The following ARRDC5 variants were observed in gnomAD, a reference collection of about 807,000 sequenced individuals.
ARRDC5 encodes the protein arrestin domain containing 5.
A neutral mutation model predicts 13.3 loss-of-function variants in ARRDC5; 12 were observed. The observed-to-expected ratio is 0.90, with a 90% CI of 0.58 to 1.46. ARRDC5 has a LOEUF of 1.46. Ranked by LOEUF, ARRDC5 falls within the 40% of genes most tolerant of loss-of-function variation. ARRDC5 has a pLI of 0.00. For synonymous variants in ARRDC5, 181 were observed against 173.4 expected (o/e 1.04, Z -0.34); for missense variants, 406 against 418.7 (o/e 0.97, Z 0.26).
intron 1 of ARRDC5, 57 bp from the exon 2 acceptor site, chr19:4,896,933 C>CT: frequency 8.3e-7 from 1 of 1,197,648 alleles, no homozygotes; most frequent in Non-Finnish European, 1.2e-6. Flanking sequence ...TTTCCTTCTT[C>CT]TTCTTTTTTT....
At chr19:4,907,827 C>G (rs1182009409), upstream of ARRDC5, among the ~76,000 whole-genome samples, 1 of 151,102 alleles carries the variant, frequency 6.6e-6, no homozygotes, top group Non-Finnish European at 1.5e-5. Flanking sequence ...ATTCTCCTGC[C>G]TCAGCCTCCC....
intron 2 of ARRDC5, among the ~76,000 whole-genome samples, chr19:4,895,418 G>A (rs147730339): frequency 0.094 from 8,420 of 89,336 alleles, 425 homozygotes; most frequent in Admixed American, 0.28. Flanking sequence ...GTGAGACTCC[G>A]TCTCAAAAAA....
At chr19:4,913,456 T>C in the ARRDC5 span, among the ~76,000 whole-genome samples, 1 of 152,080 alleles carries the variant, frequency 6.6e-6, no homozygotes, top group Non-Finnish European at 1.5e-5. Flanking sequence ...AGTTTCACCA[T>C]GTTGGCCAGG....
chr19:4,893,149 A>G (rs2031571457), intron 2 of ARRDC5, among the ~76,000 whole-genome samples: 1 of 141,818 alleles, frequency 7.1e-6, no homozygotes, highest in Non-Finnish European at 1.5e-5. Context: ...TTATATTATT[A>G]GAATATATAT....
At chr19:4,907,565 C>T (rs183904691), upstream of ARRDC5, among the ~76,000 whole-genome samples, 13 of 151,646 alleles carry the variant, frequency 8.6e-5, no homozygotes, top group East Asian at 2.0e-3. Context: ...CCACCACGCC[C>T]GGCCCACACA....
chr19:4,894,178 C>A (rs540540040), intron 2 of ARRDC5, among the ~76,000 whole-genome samples: 107 of 151,786 alleles, frequency 7.0e-4, no homozygotes, highest in African/African-American at 2.5e-3. Context: ...AGATTGAGAC[C>A]ATCCTGGCTA....
intron 1 of ARRDC5, among the ~76,000 whole-genome samples, chr19:4,898,979 G>T (rs1009885283): frequency 6.6e-6 from 1 of 151,846 alleles, no homozygotes; most frequent in Non-Finnish European, 1.5e-5. Flanking sequence ...CACGGTGTTT[G>T]TGCACAGTAG....
chr19:4,897,021 A>T (rs970914527), intron 1 of ARRDC5, 145 bp from the exon 2 acceptor site: 1 of 598,514 alleles, frequency 1.7e-6, no homozygotes, highest in Admixed American at 3.1e-5. Flanking sequence ...TAGTGGTGTG[A>T]TCTCAGCTCA....
chr19:4,897,847 GA>G (rs1465759252), intron 1 of ARRDC5, among the ~76,000 whole-genome samples: 14 of 152,238 alleles, frequency 9.2e-5, no homozygotes, highest in African/African-American at 2.9e-4. Flanking sequence ...AGCACTTTGG[GA>G]GGCCAAGGCG....
chr19:4,901,922 C>T (rs912752085), intron 1 of ARRDC5, among the ~76,000 whole-genome samples: 6 of 151,956 alleles, frequency 3.9e-5, no homozygotes, highest in Admixed American at 1.3e-4. Flanking sequence ...AATCTCGCTC[C>T]GTCACCCAGG....
chr19:4,907,839 A>C (rs2032099949), upstream of ARRDC5, among the ~76,000 whole-genome samples: 1 of 149,630 alleles, frequency 6.7e-6, no homozygotes, highest in South Asian at 2.1e-4. Context: ...CAGCCTCCCG[A>C]GTAGCTGGGA....
the ARRDC5 span, chr19:4,910,739 C>A: frequency 9.6e-7 from 1 of 1,039,128 alleles, no homozygotes; most frequent in Non-Finnish European, 1.4e-6. Context: ...TCTGGCTGTA[C>A]AGGAGGACTG....
the ARRDC5 span, chr19:4,909,694 G>A: frequency 2.4e-5 from 12 of 508,140 alleles, no homozygotes; most frequent in Non-Finnish European, 3.8e-5. Flanking sequence ...AGCCCGGGCC[G>A]GGCGCACGGG....
At chr19:4,910,741 G>A in the ARRDC5 span, 3 of 1,065,428 alleles carry the variant, frequency 2.8e-6, no homozygotes, top group Non-Finnish European at 4.0e-6. Flanking sequence ...TGGCTGTACA[G>A]GAGGACTGGA....
chr19:4,897,923 C>T (rs2146252638), intron 1 of ARRDC5, among the ~76,000 whole-genome samples: 1 of 152,268 alleles, frequency 6.6e-6, no homozygotes, highest in East Asian at 1.9e-4. Context: ...CCAATCTCTA[C>T]TAAAAATACA....
chr19:4,913,807 C>CTTT, the ARRDC5 span, among the ~76,000 whole-genome samples: 31 of 110,128 alleles, frequency 2.8e-4, no homozygotes, highest in South Asian at 5.5e-4. Context: ...CATGCAGTAG[C>CTTT]TTTTTTTTTT....
chr19:4,910,948 G>T, the ARRDC5 span: 1 of 1,613,652 alleles, frequency 6.2e-7, no homozygotes, highest in East Asian at 2.2e-5. Context: ...CGCTGTCCAG[G>T]CTGACCAAGG....
At position 4,891,439 on chromosome 19, in the gene ARRDC5, G is replaced by A. The variant is rs777535660; in HGVS notation, c.594C>T (p.Asn198=). 1.2e-6 allele frequency: 2 copies of A among 1,613,472 alleles called. No individual in the cohort carries two copies. Among genetic ancestry groups the A allele is most frequent in the East Asian group, 2.2e-5 (1 of 44,890 alleles). The part of the protein sequence containing the change: ...GEKVVFTTEI[N]NQTSKCIKTV... ...TCTTGATGCATTTGCTGGTCTGGTT[G>A]TTGATCTCTGTTGTGAAGACGACCT... The change falls in exon 3 of 3, where the codon AAC becomes AAT. Residue 198 remains asparagine (N), a synonymous_variant. Coordinates refer to ENST00000650722, the MANE Select transcript of ARRDC5 (RefSeq NM_001080523.3).
At chr19:4,902,978 C>A (rs2031976087), upstream of ARRDC5, 1 of 1,066,064 alleles carries the variant, frequency 9.4e-7, no homozygotes, top group African/African-American at 1.6e-5. Flanking sequence ...GGAGGCAAAA[C>A]TGTTGTTTAG....
Sources: gnomAD v4.1 joint callset for allele counts (sites outside exome capture counted in the v4.1 genomes callset) on GRCh38, gnomAD v4.1.1 for gene constraint, MANE v1.5 for transcripts, NCBI Gene and HGNC (gene_info 2026-07-23, HGNC 2026-07-21) for gene names.